The following COL24A1 variants were observed in gnomAD, a reference collection of about 807,000 sequenced individuals.
COL24A1 encodes collagen alpha-1(XXIV) chain.
COL24A1 carries 224 observed loss-of-function variants against 253.9 expected under a neutral mutation model. That is an observed-to-expected ratio of 0.88 (90% CI 0.79 to 0.99). COL24A1 has a LOEUF of 0.99. Among genes scored for constraint, COL24A1 ranks in the 50% least tolerant of loss-of-function variants. COL24A1 has a pLI of 0.00. For synonymous variants in COL24A1, 685 were observed against 673.7 expected, an observed-to-expected ratio of 1.02 and a Z score of -0.26; for missense variants, 2,131 against 2,068.5, an observed-to-expected ratio of 1.03 and a Z score of -0.59.
At chr1:85,789,959 A>G (rs1670090282) in intron 47 of COL24A1, among the ~76,000 whole-genome samples, 1 of 152,008 alleles carries the variant, frequency 6.6e-6, no homozygotes, top group Admixed American at 6.6e-5. Context: ...TTGCCAGGAT[A>G]TTATTGAGGA....
intron 11 of COL24A1, among the ~76,000 whole-genome samples, chr1:86,047,133 G>A (rs1380118986): frequency 6.6e-6 from 1 of 152,122 alleles, no homozygotes; most frequent in Non-Finnish European, 1.5e-5. Context: ...CCTGGTGATA[G>A]CTATTTGTCC....
At chr1:85,942,103 G>T (rs901065304) in intron 24 of COL24A1, among the ~76,000 whole-genome samples, 1 of 152,162 alleles carries the variant, frequency 6.6e-6, no homozygotes, top group African/African-American at 2.4e-5. Context: ...TAGGGAAAAA[G>T]ATGTTTTCAA....
chr1:85,766,714 G>A (rs1481356092), intron 53 of COL24A1, among the ~76,000 whole-genome samples: 1 of 151,874 alleles, frequency 6.6e-6, no homozygotes, highest in African/African-American at 2.4e-5. Context: ...ATCATGCTTT[G>A]GTCATTTTTT....
At chr1:85,883,092 G>A (rs1682052914) in intron 32 of COL24A1, among the ~76,000 whole-genome samples, 1 of 152,148 alleles carries the variant, frequency 6.6e-6, no homozygotes, top group Non-Finnish European at 1.5e-5. Context: ...CATTGAGTTA[G>A]TATATATCAA....
At chr1:86,119,791 G>A (rs12567887) in intron 3 of COL24A1, among the ~76,000 whole-genome samples, 26,572 of 151,972 alleles carry the variant, frequency 0.17, 2,447 homozygotes, top group South Asian at 0.27. Context: ...AATCAGTAGA[G>A]GATTTATAAA....
Position 86,058,095 on chromosome 1 carries a change from T to C in COL24A1, c.1807-120A>G, listed in dbSNP as rs536318305. 1.8e-4 allele frequency: 116 copies of C among 655,150 alleles called. 1 individual carries two copies. The South Asian group carries it at 3.0e-3, about 17-fold the overall frequency. 40.6% of individuals were successfully genotyped at this position (655,150 alleles called of 1,614,324 possible). ...TTCAAAACTATAGAATTCAGAACTC[T>C]GTATAACTAATGAAGATTACCAATG... is the stretch of plus-strand genomic sequence containing the variant. On this transcript the variant is annotated intron_variant, in intron 9 of 59. Transcript: ENST00000370571.
chr1:86,025,101 C>A (rs115443004), intron 14 of COL24A1, among the ~76,000 whole-genome samples: 1,522 of 152,176 alleles, frequency 0.01, 11 homozygotes, highest in Non-Finnish European at 0.015. Context: ...CAAGAAACAG[C>A]ATGTCACAAA....
intron 19 of COL24A1, among the ~76,000 whole-genome samples, chr1:85,999,091 AT>A (rs1252557553): frequency 6.6e-6 from 1 of 152,198 alleles, no homozygotes; most frequent in East Asian, 1.9e-4. Context: ...AGGAGGAAGT[AT>A]TAGGGCCTCA....
intron 37 of COL24A1, among the ~76,000 whole-genome samples, chr1:85,859,957 A>AC (rs1678949198): frequency 6.6e-6 from 1 of 152,112 alleles, no homozygotes; most frequent in Non-Finnish European, 1.5e-5. Flanking sequence ...ATCTCTTTAA[A>AC]AATGCTATTT....
chr1:85,810,333 C>G (rs1470865083), intron 47 of COL24A1, among the ~76,000 whole-genome samples: 1 of 152,100 alleles, frequency 6.6e-6, no homozygotes, highest in Non-Finnish European at 1.5e-5. Context: ...CCTGGAATGC[C>G]CCATCCCTTT....
At chr1:86,042,238 C>G (rs1474835267) in intron 12 of COL24A1, among the ~76,000 whole-genome samples, 1 of 152,150 alleles carries the variant, frequency 6.6e-6, no homozygotes, top group South Asian at 2.1e-4. Flanking sequence ...AAAAACATTT[C>G]GAATGCCAAC....
intron 19 of COL24A1, among the ~76,000 whole-genome samples, chr1:85,995,775 A>C (rs1694734701): frequency 1.3e-5 from 2 of 152,276 alleles, no homozygotes; most frequent in African/African-American, 4.8e-5. Flanking sequence ...TGCTGCTCTC[A>C]TGATACTGAG....
Position 85,744,773 on chromosome 1 carries a change from T to C in COL24A1, c.4565A>G (p.Asn1522Ser), listed in dbSNP as rs1665029413. ...GCTGTGCAATAAATTGCTAAGGTAG[T>C]TCAGGGTTTTGAATATCTCTTCACT... is the stretch of plus-strand genomic sequence containing the variant. ...DHSEEIFKTLNYLSNLLHSIK... is the reference protein window; with the variant it reads ...DHSEEIFKTLSYLSNLLHSIK... Residue 1522 changes from asparagine (N) to serine (S), a missense_variant, in exon 57 of 60, where the codon AAC (asparagine) becomes AGC (serine). Coordinates refer to ENST00000370571, the MANE Select transcript of COL24A1 (RefSeq NM_152890.7). 1.9e-6 allele frequency: 3 copies of C among 1,610,542 alleles called. No individual in the cohort carries two copies. In the East Asian group the frequency reaches 6.7e-5, roughly 36 times the overall value.
At chr1:85,889,424 A>T in intron 32 of COL24A1, 136 bp downstream of exon 32, 1 of 626,674 alleles carries the variant, frequency 1.6e-6, no homozygotes, top group Non-Finnish European at 2.7e-6. Flanking sequence ...TTTTCATTCT[A>T]TGTGATTAGT....
At chr1:85,738,842 A>G (rs566059074) in intron 57 of COL24A1, among the ~76,000 whole-genome samples, 66 of 152,170 alleles carry the variant, frequency 4.3e-4, no homozygotes, top group Non-Finnish European at 3.1e-4. Context: ...GGTAGCTCAA[A>G]GGGTAGAAAT....
intron 14 of COL24A1, among the ~76,000 whole-genome samples, chr1:86,024,631 A>G (rs931151772): frequency 6.6e-6 from 1 of 152,216 alleles, no homozygotes; most frequent in Non-Finnish European, 1.5e-5. Context: ...CCAACTTAAT[A>G]GATATGCAAT....
Position 85,987,229 on chromosome 1 carries a change from G to A in COL24A1, c.2364+372C>T, listed in dbSNP as rs182775657. 1.8e-4 allele frequency among the ~76,000 whole-genome samples: 27 copies of A among 151,884 alleles called. No individual in the cohort carries two copies. The South Asian group carries it at 3.7e-3, about 21-fold the overall frequency. On this transcript the variant is annotated intron_variant, in intron 20 of 59. Transcript: ENST00000370571. ...ATGTAGAGGTTCATGGACACCACAG[G>A]CTTTCTTTTATTTCAATCAATGGAT...
chr1:86,101,107 G>GT (rs1704414051), intron 5 of COL24A1, among the ~76,000 whole-genome samples: 1 of 152,186 alleles, frequency 6.6e-6, no homozygotes, highest in African/African-American at 2.4e-5. Context: ...AGGACTCAGT[G>GT]TTAAAAACTG....
At position 86,104,668 on chromosome 1, in the gene COL24A1, G is replaced by A. The variant is rs369697480; in HGVS notation, c.1599+7899C>T. Among the ~76,000 whole-genome samples, 24 of 152,282 alleles carry A rather than the reference G, an allele frequency of 1.6e-4. No individual in the cohort carries two copies. In the East Asian group the frequency reaches 2.7e-3, roughly 17 times the overall value. On this transcript the variant is annotated intron_variant, in intron 5 of 59. Transcript: ENST00000370571. The stretch of plus-strand genomic sequence containing the variant: ...GGCCAAGGCTCAACTCACAACTCCT[G>A]GACTACATGCTCTAACACTGAGGGA...
Sources: gnomAD v4.1 joint callset for allele counts (sites outside exome capture counted in the v4.1 genomes callset) on GRCh38, gnomAD v4.1.1 for gene constraint, MANE v1.5 for transcripts, NCBI Gene and HGNC (gene_info 2026-07-23, HGNC 2026-07-21) for gene names.